TMEM120B: variants seen among roughly 807,000 people sequenced by gnomAD.
TMEM120B encodes the protein transmembrane protein 120B.
In TMEM120B, 31 loss-of-function variants were observed where a neutral mutation model predicts 55.5. The observed-to-expected ratio is 0.56, with a 90% CI of 0.42 to 0.75. The LOEUF (loss-of-function observed/expected upper bound fraction) is 0.75, where lower values mean the gene tolerates loss of function less well. TMEM120B is among the 30% of genes least tolerant of loss of function. The probability of loss-of-function intolerance (pLI) is 0.00; values close to 1 mark genes in which losing one functional copy is unlikely to be tolerated. For missense variants in TMEM120B, 399 were observed against 425.5 expected (o/e 0.94, Z 0.55); for synonymous variants, 203 against 176.3 (o/e 1.15, Z -1.20).
rs201262713 is a variant in TMEM120B, at chr12:121,775,105, G to A, written c.881G>A (p.Ser294Asn). 2 of 1,359,092 alleles carry A rather than the reference G, an allele frequency of 1.5e-6. No homozygotes were observed. Among genetic ancestry groups the A allele is most frequent in the Non-Finnish European group, 2.0e-6 (2 of 1,021,596 alleles). 84.2% of individuals were successfully genotyped at this position (1,359,092 alleles called of 1,614,324 possible). A position where few individuals can be genotyped will look rare whatever the true frequency, so the allele number is the denominator to read the frequency against. ...GCCGTCACGCTGTTTGAGCTCTCCA[G>A]CCACGAGGAATGCAGAGAATGGCAG... is the stretch of plus-strand genomic sequence containing the variant. ...YNAVTLFELS[S>N]HEECREWQVF... The change falls in exon 11 of 12, where the codon AGC (serine) becomes AAC (asparagine). Residue 294 changes from serine to asparagine, a missense_variant. Physicochemically the swap from Ser to Asn is conservative, Grantham distance 46. Coordinates refer to ENST00000449592, the MANE Select transcript of TMEM120B (RefSeq NM_001080825.2). This position sits in a 1 kb window ranked among gnomAD's most constrained non-coding sequence, Gnocchi z 4.3.
At chr12:121,772,129 CTCTT>C (rs376017398) in intron 8 of TMEM120B, among the ~76,000 whole-genome samples, 16 of 148,006 alleles carry the variant, frequency 1.1e-4, no homozygotes, top group South Asian at 4.3e-4. Context: ...CTCTCTTTCT[CTCTT>C]TCTTTCTTTC....
chr12:121,728,345 C>T (rs556866204), intron 1 of TMEM120B, among the ~76,000 whole-genome samples: 3 of 151,678 alleles, frequency 2.0e-5, no homozygotes, highest in Non-Finnish European at 4.4e-5. Context: ...AAAAATTAGC[C>T]GGGCATGGTG....
chr12:121,769,645 G>A (rs1239226681), intron 6 of TMEM120B, among the ~76,000 whole-genome samples: 7 of 152,162 alleles, frequency 4.6e-5, no homozygotes, highest in Non-Finnish European at 8.8e-5. Flanking sequence ...CAGGGCTGCA[G>A]TGAGCCATGA....
rs573925539 is a variant in TMEM120B at position 121,775,016 on chromosome 12, G to C, written c.838-46G>C. ...CATCACCCTGGCTTTCTACGTGGCCGGCCAGGGGAGTCTGGTGGGTGAGCA... is the reference window on the plus strand; with the variant it reads ...CATCACCCTGGCTTTCTACGTGGCCCGCCAGGGGAGTCTGGTGGGTGAGCA... On this transcript the variant is annotated intron_variant, in intron 10 of 11. Transcript: ENST00000449592. The surrounding 1 kb of genome is among the most constrained non-coding windows in gnomAD (Gnocchi z 4.3). 1.2e-6 allele frequency: 2 copies of C among 1,607,282 alleles called. No homozygotes were observed. Among genetic ancestry groups the C allele is most frequent in the East Asian group, 4.5e-5 (2 of 44,778 alleles).
chr12:121,716,435 T>C (rs1894704769), intron 1 of TMEM120B, among the ~76,000 whole-genome samples: 4 of 152,126 alleles, frequency 2.6e-5, no homozygotes, highest in Admixed American at 2.6e-4. Flanking sequence ...CCTGGTCTAT[T>C]TTAATTTTCC....
chr12:121,775,138 G>T lies in TMEM120B; in HGVS notation c.906+8G>T. 2 of 1,607,924 alleles carry T rather than the reference G, an allele frequency of 1.2e-6. No homozygotes were observed. The highest frequency in any genetic ancestry group is 1.7e-6 in the Non-Finnish European group (2 of 1,176,712). ...GAATGCAGAGAATGGCAGGTATGGG[G>T]GGTGGGGGCATGCTCGGGGGAGGTT... On this transcript the variant is annotated splice_region_variant and intron_variant, in intron 11 of 11. Coordinates refer to ENST00000449592, the MANE Select transcript of TMEM120B (RefSeq NM_001080825.2). This position sits in a 1 kb window ranked among gnomAD's most constrained non-coding sequence, Gnocchi z 4.3.
chr12:121,726,578 C>CA (rs35018846), intron 1 of TMEM120B, among the ~76,000 whole-genome samples: 57,149 of 129,734 alleles, frequency 0.44, 13,446 homozygotes, highest in African/African-American at 0.67. Context: ...GACTCTGTCT[C>CA]AAAAAAAAAA....
chr12:121,747,276 T>C (rs1169926772), intron 2 of TMEM120B, among the ~76,000 whole-genome samples: 1 of 122,564 alleles, frequency 8.2e-6, no homozygotes. Flanking sequence ...GAGGCTGGGG[T>C]AGAAGGCGGG....
intron 5 of TMEM120B, among the ~76,000 whole-genome samples, chr12:121,760,448 G>A (rs1003625479): frequency 1.3e-5 from 2 of 152,210 alleles, no homozygotes; most frequent in African/African-American, 4.8e-5. Context: ...CTTGGGGTGG[G>A]CTGTCTGCAT....
chr12:121,759,440 G>C (rs1232076933), intron 5 of TMEM120B, among the ~76,000 whole-genome samples: 1 of 151,934 alleles, frequency 6.6e-6, no homozygotes, highest in Non-Finnish European at 1.5e-5. Flanking sequence ...CACTTTGAGA[G>C]GCCGAGGCAG....
In TMEM120B at chr12:121,781,378, G is replaced by A. The variant is rs142196297; in HGVS notation, c.*5656G>A. On this transcript the variant is annotated 3_prime_UTR_variant, in exon 12 of 12. Transcript: ENST00000449592. The stretch of plus-strand genomic sequence containing the variant: ...CGCAGCTACTCGGGAGGCTGAGGCC[G>A]GAGGATCGCTTGAGCCCAGGAGGTC... The A allele has an allele frequency of 2.8e-4, 160 of 579,754 alleles. No individual in the cohort carries two copies. Among genetic ancestry groups the A allele is most frequent in the African/African-American group, 2.4e-3 (131 of 53,484 alleles). 35.9% of individuals were successfully genotyped at this position (579,754 alleles called of 1,614,324 possible). A position where few individuals can be genotyped will look rare whatever the true frequency, so the allele number is the denominator to read the frequency against.
Position 121,775,561 on chromosome 12 carries a change from C to G in TMEM120B, c.907-48C>G. The G allele has an allele frequency of 6.3e-7, 1 of 1,581,852 alleles. No homozygotes were observed. Among genetic ancestry groups the G allele is most frequent in the Non-Finnish European group, 8.6e-7 (1 of 1,162,360 alleles). On this transcript the variant is annotated intron_variant, in intron 11 of 11. Transcript: ENST00000449592. This position sits in a 1 kb window ranked among gnomAD's most constrained non-coding sequence, Gnocchi z 4.3. Reference sequence around the variant, plus strand: ...TTCTGGGGTGCTGGGGGCAGGGGTTCAGCAGGGCAGATGCCCCAGCCTCGC... The same window carrying G: ...TTCTGGGGTGCTGGGGGCAGGGGTTGAGCAGGGCAGATGCCCCAGCCTCGC...
intron 5 of TMEM120B, among the ~76,000 whole-genome samples, chr12:121,755,270 G>A (rs922598713): frequency 6.6e-6 from 1 of 152,230 alleles, no homozygotes; most frequent in Non-Finnish European, 1.5e-5. Context: ...TCTGGGTCCA[G>A]CTCTGCCACT....
rs1424713862 is a variant in TMEM120B, at chr12:121,748,367, A to G, written c.230A>G (p.Gln77Arg). ...AGTCGGGAGGAGGCGGAGCTCGTTC[A>G]GCAGATGGCAGCGAACATCAAGGAG... ...HASREEAELVQQMAANIKERQ... is the reference protein window; with the variant it reads ...HASREEAELVRQMAANIKERQ... Residue 77 changes from glutamine to arginine, a missense_variant, in exon 3 of 12, where the codon CAG becomes CGG. Coordinates refer to ENST00000449592, the MANE Select transcript of TMEM120B (RefSeq NM_001080825.2). 3 of 1,610,932 alleles carry G rather than the reference A, an allele frequency of 1.9e-6. No homozygotes were observed. The highest frequency in any genetic ancestry group is 1.7e-6 in the Non-Finnish European group (2 of 1,178,690).
rs1874232067 is a variant in TMEM120B at position 121,775,961 on chromosome 12, C to T, written c.*239C>T. The T allele has an allele frequency of 3.3e-6, 2 of 604,024 alleles. No individual in the cohort carries two copies. 37.4% of individuals were successfully genotyped at this position (604,024 alleles called of 1,614,324 possible). On this transcript the variant is annotated 3_prime_UTR_variant, in exon 12 of 12. Coordinates refer to ENST00000449592, the MANE Select transcript of TMEM120B (RefSeq NM_001080825.2). The surrounding 1 kb of genome is among the most constrained non-coding windows in gnomAD (Gnocchi z 4.3). ...CGTCCCTGGAACCCGAGGCCTCACTCCTGTGCTTGAAGGTGGCTGAGGCCG... is the reference window on the plus strand; with the variant it reads ...CGTCCCTGGAACCCGAGGCCTCACTTCTGTGCTTGAAGGTGGCTGAGGCCG...
chr12:121,753,769 G>C (rs947852802), intron 5 of TMEM120B, among the ~76,000 whole-genome samples: 1 of 152,108 alleles, frequency 6.6e-6, no homozygotes, highest in African/African-American at 2.4e-5. Context: ...GTTACTATGG[G>C]CAGGTTCCCT....
chr12:121,781,169 G>A lies in TMEM120B; in HGVS notation c.*5447G>A, dbSNP rs867922815. On this transcript the variant is annotated 3_prime_UTR_variant, in exon 12 of 12. Transcript: ENST00000449592. ...TGGGTGTTCTGGTAGGACAGGGGCC[G>A]CAGCCGGTCATAGTCTTCTTGCCCT... 6 of 1,614,108 alleles carry A rather than the reference G, an allele frequency of 3.7e-6. No homozygotes were observed. The highest frequency in any genetic ancestry group is 1.7e-5 in the Admixed American group (1 of 60,002).
chr12:121,754,693 C>G (rs1278893752), intron 5 of TMEM120B, among the ~76,000 whole-genome samples: 1 of 152,198 alleles, frequency 6.6e-6, no homozygotes, highest in Non-Finnish European at 1.5e-5. Flanking sequence ...TAGAGCCCAC[C>G]CTAACACAGT....
intron 1 of TMEM120B, among the ~76,000 whole-genome samples, chr12:121,715,266 G>A (rs557065878): frequency 1.3e-5 from 2 of 152,198 alleles, no homozygotes; most frequent in East Asian, 3.9e-4. Flanking sequence ...CTGGGAGGGG[G>A]AGGTTGCAGT....
Sources: gnomAD v4.1 joint callset for allele counts (sites outside exome capture counted in the v4.1 genomes callset) on GRCh38, gnomAD v4.1.1 for gene constraint, Gnocchi (gnomAD v3.1) non-coding constraint, MANE v1.5 for transcripts, NCBI Gene and HGNC (gene_info 2026-07-23, HGNC 2026-07-21) for gene names.